The following NTNG1 variants were observed in gnomAD, a reference collection of about 807,000 sequenced individuals.
NTNG1 encodes the protein netrin G1, also known as netrin-G1.
In NTNG1, 16 loss-of-function variants were observed where a neutral mutation model predicts 54.0. That is an observed-to-expected ratio of 0.30 (90% confidence interval 0.20 to 0.45). The LOEUF is 0.45. NTNG1 is among the 20% of genes least tolerant of loss of function. The pLI, the probability that NTNG1 is intolerant of heterozygous loss-of-function variation, is 1.00. For missense variants in NTNG1, 530 were observed against 678.7 expected, an observed-to-expected ratio of 0.78 and a Z score of 2.43; for synonymous variants, 255 against 263.1, an observed-to-expected ratio of 0.97 and a Z score of 0.30.
intron 2 of NTNG1, among the ~76,000 whole-genome samples, chr1:107,312,133 G>C (rs1220489746): frequency 6.6e-6 from 1 of 152,206 alleles, no homozygotes; most frequent in East Asian, 1.9e-4. Flanking sequence ...AGATAATTTT[G>C]AGCCTATTAA....
At chr1:107,209,785 T>C (rs1659477755) in intron 2 of NTNG1, among the ~76,000 whole-genome samples, 1 of 151,916 alleles carries the variant, frequency 6.6e-6, no homozygotes, top group African/African-American at 2.4e-5. Flanking sequence ...ATTGTGGGAG[T>C]AGGGAAGGGA....
intron 5 of NTNG1, among the ~76,000 whole-genome samples, chr1:107,418,796 T>A (rs1010205492): frequency 5.9e-5 from 9 of 151,852 alleles, no homozygotes; most frequent in Non-Finnish European, 1.0e-4. Context: ...ATATGAAGAG[T>A]GTCCCAAAAA....
chr1:107,432,414 T>TG (rs1479834490), intron 6 of NTNG1, among the ~76,000 whole-genome samples: 1 of 152,228 alleles, frequency 6.6e-6, no homozygotes, highest in Non-Finnish European at 1.5e-5. Flanking sequence ...TTTCAACCAC[T>TG]GACACAATTA....
At chr1:107,418,623 TG>T in intron 5 of NTNG1, 1 of 1,602,434 alleles carries the variant, frequency 6.2e-7, no homozygotes, top group Non-Finnish European at 8.5e-7. Context: ...TTTCTTCCCT[TG>T]AGGTTTCTAA....
intron 2 of NTNG1, among the ~76,000 whole-genome samples, chr1:107,161,693 A>G (rs4439376): frequency 0.28 from 42,745 of 151,086 alleles, 6,209 homozygotes; most frequent in African/African-American, 0.31. Context: ...AAAAAACACC[A>G]AAAAAACCTC....
chr1:107,457,825 T>G (rs1460064691), intron 7 of NTNG1, among the ~76,000 whole-genome samples: 1 of 152,076 alleles, frequency 6.6e-6, no homozygotes, highest in African/African-American at 2.4e-5. Flanking sequence ...TGCCGTAACA[T>G]CTAAGAAAAA....
intron 2 of NTNG1, among the ~76,000 whole-genome samples, chr1:107,199,170 A>G (rs1347385146): frequency 6.6e-6 from 1 of 151,932 alleles, no homozygotes; most frequent in East Asian, 1.9e-4. Context: ...AATACCATAT[A>G]TTCTATATAT....
At chr1:107,307,268 A>C (rs1452457412) in intron 2 of NTNG1, among the ~76,000 whole-genome samples, 1 of 152,216 alleles carries the variant, frequency 6.6e-6, no homozygotes, top group Non-Finnish European at 1.5e-5. Flanking sequence ...ATTAATTTTC[A>C]TGCCTCCATT....
intron 3 of NTNG1, among the ~76,000 whole-genome samples, chr1:107,353,509 T>C (rs956458115): frequency 7.2e-5 from 11 of 152,064 alleles, no homozygotes; most frequent in African/African-American, 2.7e-4. Context: ...ATTGTCCATA[T>C]CACTATTCAC....
intron 7 of NTNG1, among the ~76,000 whole-genome samples, chr1:107,472,160 C>A (rs986020195): frequency 2.0e-5 from 3 of 152,036 alleles, no homozygotes; most frequent in Non-Finnish European, 2.9e-5. Context: ...GCTTTTAGTG[C>A]GTATGAGGGA....
At chr1:107,189,496 C>T (rs1657741168) in intron 2 of NTNG1, among the ~76,000 whole-genome samples, 1 of 148,084 alleles carries the variant, frequency 6.8e-6, no homozygotes, top group South Asian at 2.2e-4. Flanking sequence ...GTCAAAATTG[C>T]AAGCCCTGTC....
chr1:107,395,349 A>G (rs781433341), intron 4 of NTNG1, 23 bp downstream of exon 4: 6 of 1,602,994 alleles, frequency 3.7e-6, no homozygotes, highest in Non-Finnish European at 5.1e-6. Flanking sequence ...GCTTGGTAAC[A>G]GCATATTCTG....
chr1:107,330,570 G>A (rs1668219636), intron 3 of NTNG1, among the ~76,000 whole-genome samples: 1 of 152,000 alleles, frequency 6.6e-6, no homozygotes, highest in South Asian at 2.1e-4. Context: ...TGGATGGTGG[G>A]GCCAAAACTA....
chr1:107,412,896 C>A lies in NTNG1; in HGVS notation c.1087+5188C>A, dbSNP rs78138984. Among the ~76,000 whole-genome samples, 1,808 of 152,174 alleles carry A rather than the reference C, an allele frequency of 0.012. 91 individuals are homozygous for A. In the East Asian group the frequency reaches 0.17, roughly 15 times the overall value. On this transcript the variant is annotated intron_variant, in intron 5 of 7. Transcript: ENST00000370068. The stretch of plus-strand genomic sequence containing the variant: ...TTATGCCTACTCTGCGACAGTAAAC[C>A]AAAAATTTTTCTTCATCAGGATAGT...
intron 2 of NTNG1, among the ~76,000 whole-genome samples, chr1:107,237,597 T>C (rs1002516645): frequency 1.4e-4 from 22 of 152,098 alleles, no homozygotes; most frequent in Non-Finnish European, 2.2e-4. Flanking sequence ...AAAAGTGGTT[T>C]TGTGGGCTGG....
chr1:107,223,194 A>T (rs1309622417), intron 2 of NTNG1, among the ~76,000 whole-genome samples: 1 of 152,134 alleles, frequency 6.6e-6, no homozygotes, highest in Non-Finnish European at 1.5e-5. Context: ...TACCCTTATT[A>T]AATGAGAATG....
At chr1:107,370,884 C>T (rs1027449868) in intron 3 of NTNG1, among the ~76,000 whole-genome samples, 13 of 152,058 alleles carry the variant, frequency 8.5e-5, no homozygotes, top group Non-Finnish European at 1.2e-4. Flanking sequence ...TAATTTTCAA[C>T]AGTTTGTTAC....
chr1:107,480,576 G>T (rs771304718), intron 7 of NTNG1, 35 bp from the exon 8 acceptor site: 8 of 339,094 alleles, frequency 2.4e-5, no homozygotes, highest in East Asian at 5.4e-5. Context: ...TCCTCCCCGC[G>T]CCCACCCACC....
At chr1:107,280,054 TG>T (rs1191493136) in intron 2 of NTNG1, among the ~76,000 whole-genome samples, 2 of 151,782 alleles carry the variant, frequency 1.3e-5, no homozygotes, top group Non-Finnish European at 2.9e-5. Context: ...TGTGTGTGTG[TG>T]TGTGTGTGTG....
Sources: allele counts gnomAD v4.1 joint callset (sites outside exome capture counted in the v4.1 genomes callset), GRCh38; gene constraint gnomAD v4.1.1; transcripts MANE v1.5; gene names NCBI Gene and HGNC (gene_info 2026-07-23, HGNC 2026-07-21).